CPSF6: variants seen among roughly 807,000 people sequenced by gnomAD.
The protein encoded by CPSF6 is cleavage and polyadenylation specificity factor subunit 6.
CPSF6 carries 10 observed loss-of-function variants against 56.7 expected under a neutral mutation model. That is an observed-to-expected ratio of 0.18 (90% CI 0.11 to 0.30). The LOEUF (loss-of-function observed/expected upper bound fraction) is 0.30, where lower values mean the gene tolerates loss of function less well. CPSF6 is among the 10% of genes least tolerant of loss of function. The probability of loss-of-function intolerance (pLI) is 1.00; values close to 1 mark genes in which losing one functional copy is unlikely to be tolerated. For synonymous variants in CPSF6, 248 were observed against 244.8 expected, an observed-to-expected ratio of 1.01 and a Z score of -0.12; for missense variants, 419 against 722.9, an observed-to-expected ratio of 0.58 and a Z score of 4.82.
At chr12:69,253,243 C>A in intron 3 of CPSF6, 89 bp downstream of exon 3, 1 of 593,480 alleles carries the variant, frequency 1.7e-6, no homozygotes, top group Non-Finnish European at 3.0e-6. Flanking sequence ...GTTAATTACA[C>A]ATGTATACAC....
Position 69,273,104 on chromosome 12 carries a change from G to T in CPSF6, c.*3596G>T. The T allele has an allele frequency of 2.3e-6, 1 of 439,220 alleles. No individual in the cohort carries two copies. The highest frequency in any genetic ancestry group is 4.7e-6 in the Non-Finnish European group (1 of 213,660). 27.2% of individuals were successfully genotyped at this position (439,220 alleles called of 1,614,324 possible). A position where few individuals can be genotyped will look rare whatever the true frequency, so the allele number is the denominator to read the frequency against. ...AGATAAATCAAGATTCAGGATTAAA[G>T]TTTCATTGTAAGTTGAAATAGAAAA... is the stretch of plus-strand genomic sequence containing the variant. On this transcript the variant is annotated 3_prime_UTR_variant, in exon 10 of 10. Transcript: ENST00000435070.
At chr12:69,254,394 TC>T (rs1872405650) in intron 3 of CPSF6, among the ~76,000 whole-genome samples, 1 of 152,184 alleles carries the variant, frequency 6.6e-6, no homozygotes, top group Non-Finnish European at 1.5e-5. Flanking sequence ...GGTTTACTTT[TC>T]CCCCTCAAAT....
rs1183557927 is a variant in CPSF6, at chr12:69,270,052, G to A, written c.*544G>A. 2.0e-5 allele frequency: 3 copies of A among 152,182 alleles called. No individual in the cohort carries two copies. Among genetic ancestry groups the A allele is most frequent in the Admixed American group, 6.6e-5 (1 of 15,234 alleles). 9.4% of individuals were successfully genotyped at this position (152,182 alleles called of 1,614,324 possible). A position where few individuals can be genotyped will look rare whatever the true frequency, so the allele number is the denominator to read the frequency against. Reference sequence around the variant, plus strand: ...GACAACATTTTTACTGTCCTTTAAAGCATTGCAATAGCGTTTTTGGATATG... The same window carrying A: ...GACAACATTTTTACTGTCCTTTAAAACATTGCAATAGCGTTTTTGGATATG... On this transcript the variant is annotated 3_prime_UTR_variant, in exon 10 of 10. Transcript: ENST00000435070.
At chr12:69,268,670 T>G (rs1380017716) in intron 9 of CPSF6, among the ~76,000 whole-genome samples, 1 of 151,842 alleles carries the variant, frequency 6.6e-6, no homozygotes, top group Non-Finnish European at 1.5e-5. Context: ...CAGTGGTTAC[T>G]TATATCCAAG....
At chr12:69,269,257 C>T (rs1389271997) in intron 9 of CPSF6, among the ~76,000 whole-genome samples, 5 of 151,770 alleles carry the variant, frequency 3.3e-5, no homozygotes, top group Non-Finnish European at 7.4e-5. Context: ...GTTTTCATTA[C>T]TGCTTCAGTC....
At chr12:69,260,314 G>C in intron 8 of CPSF6, 117 bp downstream of exon 8, 1 of 728,294 alleles carries the variant, frequency 1.4e-6, no homozygotes, top group Non-Finnish European at 2.1e-6. Flanking sequence ...TTAGCAGCTG[G>C]AGTGGTTTTT....
At chr12:69,251,010 C>A in intron 1 of CPSF6, 119 bp from the exon 2 acceptor site, 1 of 973,312 alleles carries the variant, frequency 1.0e-6, no homozygotes, top group Non-Finnish European at 1.5e-6. Flanking sequence ...AAGATTTGTA[C>A]TGAAATCCTT....
At chr12:69,259,278 G>T in intron 6 of CPSF6, 150 bp from the exon 7 acceptor site, 1 of 1,266,764 alleles carries the variant, frequency 7.9e-7, no homozygotes, top group East Asian at 2.5e-5. Context: ...TGTTCTCTTT[G>T]TTGGAAAAGT....
intron 4 of CPSF6, 67 bp downstream of exon 4, chr12:69,256,909 T>C (rs989567063): frequency 1.6e-5 from 22 of 1,368,096 alleles, no homozygotes; most frequent in East Asian, 4.6e-5. Context: ...TTAGGTGTTA[T>C]ACTAGAGAAG....
chr12:69,252,071 A>C (rs895048763), intron 2 of CPSF6: 6 of 455,712 alleles, frequency 1.3e-5, no homozygotes, highest in South Asian at 9.3e-5. Context: ...TTTTATTTAC[A>C]TTTCTTTTTT....
intron 1 of CPSF6, among the ~76,000 whole-genome samples, chr12:69,249,299 T>TA (rs1394193939): frequency 1.3e-5 from 2 of 151,360 alleles, no homozygotes; most frequent in Non-Finnish European, 2.9e-5. Context: ...AAATTAAAAT[T>TA]AAAAAAATAC....
rs766970892 is a variant in CPSF6 at position 69,262,534 on chromosome 12, G to A, written c.1631G>A (p.Arg544Gln). The A allele has an allele frequency of 1.9e-6, 3 of 1,613,528 alleles. No homozygotes were observed. The highest frequency in any genetic ancestry group is 2.5e-6 in the Non-Finnish European group (3 of 1,179,606). Residue 544 changes from arginine to glutamine, a missense_variant, in exon 9 of 10, where the codon CGA becomes CAA. Coordinates refer to ENST00000435070, the MANE Select transcript of CPSF6 (RefSeq NM_007007.3). Reference sequence around the variant, plus strand: ...CGAGACCGTGACCGAGAGCGTGACCGAGAGCGCGAATATCGTCATCGTTAG... The same window carrying A: ...CGAGACCGTGACCGAGAGCGTGACCAAGAGCGCGAATATCGTCATCGTTAG... ...RDRDRDRERDREREYRHR is the reference protein window; with the variant it reads ...RDRDRDRERDQEREYRHR
In CPSF6 at chr12:69,269,596, TGA is replaced by T. The variant is rs1873150831; in HGVS notation, c.*89_*90del. The T allele has an allele frequency of 2.3e-6, 1 of 433,942 alleles. No individual in the cohort carries two copies. The highest frequency in any genetic ancestry group is 2.0e-5 in the African/African-American group (1 of 48,876). 26.9% of individuals were successfully genotyped at this position (433,942 alleles called of 1,614,324 possible). A position where few individuals can be genotyped will look rare whatever the true frequency, so the allele number is the denominator to read the frequency against. The stretch of plus-strand genomic sequence containing the variant: ...TGTCCAGCAGTTTGCTTCTTGTGAT[TGA>T]ACTGAACCTGTAAGGATTCATGGAT... On this transcript the variant is annotated 3_prime_UTR_variant, in exon 10 of 10. Coordinates refer to ENST00000435070, the MANE Select transcript of CPSF6 (RefSeq NM_007007.3).
chr12:69,245,012 G>T (rs928245525), intron 1 of CPSF6, among the ~76,000 whole-genome samples: 3 of 151,220 alleles, frequency 2.0e-5, no homozygotes, highest in Non-Finnish European at 4.4e-5. Context: ...TAATCCCAGT[G>T]CTTTGAGAGC....
At chr12:69,239,770 G>A (rs1452867448) in intron 1 of CPSF6, 64 bp downstream of exon 1, 3 of 1,460,848 alleles carry the variant, frequency 2.1e-6, no homozygotes, top group African/African-American at 1.5e-5. Context: ...AGCTGACCCG[G>A]GGCCCGCTGC....
chr12:69,263,960 T>C (rs1174442994), intron 9 of CPSF6, among the ~76,000 whole-genome samples: 3 of 152,084 alleles, frequency 2.0e-5, no homozygotes, highest in Non-Finnish European at 2.9e-5. Flanking sequence ...TCTTTTAATA[T>C]GAGGCAAAAA....
intron 8 of CPSF6, among the ~76,000 whole-genome samples, chr12:69,261,130 G>C (rs1205172186): frequency 6.6e-6 from 1 of 152,062 alleles, no homozygotes; most frequent in Admixed American, 6.5e-5. Flanking sequence ...TATGTCTTTA[G>C]TGTACTCTAT....
chr12:69,258,893 C>T lies in CPSF6; in HGVS notation c.998C>T (p.Pro333Leu). Residue 333 changes from proline to leucine, a missense_variant, in exon 6 of 10, where the codon CCA becomes CTA. Coordinates refer to ENST00000435070, the MANE Select transcript of CPSF6 (RefSeq NM_007007.3). The surrounding 1 kb of genome is among the most constrained non-coding windows in gnomAD (Gnocchi z 4.2). ...CCTCGTCCACCCGGTCCACTTGGGC[C>T]ACCCCTTACACTAGCTCCTCCTCCG... Reference protein sequence around the residue: ...FPPRPPGPLGPPLTLAPPPHL... With the variant: ...FPPRPPGPLGLPLTLAPPPHL... 1.2e-6 allele frequency: 2 copies of T among 1,614,136 alleles called. No homozygotes were observed. Among genetic ancestry groups the T allele is most frequent in the Non-Finnish European group, 8.5e-7 (1 of 1,180,022 alleles).
chr12:69,269,237 T>G (rs2120652613), intron 9 of CPSF6, among the ~76,000 whole-genome samples: 1 of 152,016 alleles, frequency 6.6e-6, no homozygotes, highest in African/African-American at 2.4e-5. Flanking sequence ...ACAGAAACAG[T>G]AGCTGCTATG....
Sources: gnomAD v4.1 joint callset for allele counts (sites outside exome capture counted in the v4.1 genomes callset) on GRCh38, gnomAD v4.1.1 for gene constraint, Gnocchi (gnomAD v3.1) non-coding constraint, MANE v1.5 for transcripts, NCBI Gene and HGNC (gene_info 2026-07-23, HGNC 2026-07-21) for gene names.